Variants in ITGB6 observed in about 807,000 individuals in gnomAD.
ITGB6 encodes integrin subunit beta 6.
ITGB6 carries 80 observed loss-of-function variants against 84.5 expected under a neutral mutation model. The ratio of observed to expected loss-of-function variants is 0.95; its 90% CI spans 0.79 to 1.14. The LOEUF (loss-of-function observed/expected upper bound fraction) is 1.14, where lower values mean the gene tolerates loss of function less well. ITGB6 is among the 50% of genes most tolerant of loss of function. The probability of loss-of-function intolerance (pLI) is 0.00; values close to 1 mark genes in which losing one functional copy is unlikely to be tolerated. For missense variants in ITGB6, 1,006 were observed against 968.0 expected, an observed-to-expected ratio of 1.04 and a Z score of -0.52; for synonymous variants, 383 against 354.9, an observed-to-expected ratio of 1.08 and a Z score of -0.89.
intron 8 of ITGB6, among the ~76,000 whole-genome samples, chr2:160,140,248 G>GT (rs1683949834): frequency 6.6e-6 from 1 of 152,164 alleles, no homozygotes; most frequent in Non-Finnish European, 1.5e-5. Context: ...GTGCAAGATT[G>GT]TTTCATTTAA....
intron 11 of ITGB6, among the ~76,000 whole-genome samples, chr2:160,124,730 C>T (rs966106384): frequency 1.3e-5 from 2 of 152,156 alleles, no homozygotes; most frequent in Non-Finnish European, 2.9e-5. Flanking sequence ...AAACACCCCA[C>T]CCGCACCCAT....
chr2:160,123,257 G>A (rs1353557520), intron 12 of ITGB6, among the ~76,000 whole-genome samples: 1 of 152,124 alleles, frequency 6.6e-6, no homozygotes, highest in East Asian at 1.9e-4. Flanking sequence ...GAGGCAACAG[G>A]GAATTGAGGA....
At chr2:160,109,833 G>A (rs867962780) in intron 13 of ITGB6, among the ~76,000 whole-genome samples, 1 of 152,166 alleles carries the variant, frequency 6.6e-6, no homozygotes, top group Non-Finnish European at 1.5e-5. Context: ...CATATTGAGT[G>A]CTTGAAATGT....
intron 10 of ITGB6, among the ~76,000 whole-genome samples, chr2:160,127,576 C>T (rs1457345234): frequency 6.6e-6 from 1 of 152,156 alleles, no homozygotes; most frequent in African/African-American, 2.4e-5. Context: ...GCCTGACTGC[C>T]TTAGGCACAG....
chr2:160,145,371 G>A (rs1188953809), intron 7 of ITGB6, among the ~76,000 whole-genome samples: 1 of 152,110 alleles, frequency 6.6e-6, no homozygotes, highest in Admixed American at 6.5e-5. Flanking sequence ...AGTTCCTGAG[G>A]TTGCTTTTCT....
chr2:160,154,945 A>T (rs62175385), intron 7 of ITGB6, among the ~76,000 whole-genome samples: 2 of 152,106 alleles, frequency 1.3e-5, no homozygotes, highest in Admixed American at 6.5e-5. Flanking sequence ...TGAATGGATC[A>T]TGGGGTGAAG....
chr2:160,199,097 C>G lies in ITGB6; in HGVS notation c.141+82G>C, dbSNP rs1223984132. 3 of 1,149,866 alleles carry G rather than the reference C, an allele frequency of 2.6e-6. No individual in the cohort carries two copies. The East Asian group carries it at 7.0e-5, about 27-fold the overall frequency. The allele number at this position is 1,149,866 out of a possible 1,614,324, so 71.2% of individuals were successfully genotyped here. ...TACAACTCCACAAAAAAGCAAGTCA[C>G]TATCAGAAATATCACTGAGGAAATT... On this transcript the variant is annotated intron_variant, in intron 2 of 14. Transcript: ENST00000283249.
At chr2:160,128,535 G>A (rs1293753045) in intron 10 of ITGB6, among the ~76,000 whole-genome samples, 1 of 152,152 alleles carries the variant, frequency 6.6e-6, no homozygotes, top group Non-Finnish European at 1.5e-5. Context: ...AGAAAAATCA[G>A]GAGTAGAGGC....
rs1486964947 is a variant in ITGB6 at position 160,107,734 on chromosome 2, T to C, written c.2213A>G (p.Asp738Gly). ...CIWKLLVSFH[D>G]RKEVAKFEAE... ...TTCAAATTTGGCAACTTCTTTACGA[T>C]CATGAAATGACACCAGTAGCTTCCA... Residue 738 changes from aspartate (D) to glycine (G), a missense_variant, in exon 14 of 15, where the codon GAT (aspartate) becomes GGT (glycine). Transcript: ENST00000283249. 2.5e-6 allele frequency: 4 copies of C among 1,614,022 alleles called. No individual in the cohort carries two copies. Among genetic ancestry groups the C allele is most frequent in the East Asian group, 2.2e-5 (1 of 44,884 alleles).
chr2:160,107,564 G>C (rs535091514), intron 14 of ITGB6, 115 bp downstream of exon 14: 1 of 922,162 alleles, frequency 1.1e-6, no homozygotes, highest in South Asian at 1.6e-5. Flanking sequence ...GGCGAGAGTG[G>C]GAGAGAAAAA....
At position 160,200,189 on chromosome 2, in the gene ITGB6, G is replaced by T; in HGVS notation, c.-126C>A. Reference sequence around the variant, plus strand: ...TAACATTTTAAATACTACTTACACTGCTTTGAAAAGAAACTTGAGATATAA... The same window carrying T: ...TAACATTTTAAATACTACTTACACTTCTTTGAAAAGAAACTTGAGATATAA... On this transcript the variant is annotated 5_prime_UTR_variant, in exon 1 of 15. Transcript: ENST00000283249. The T allele has an allele frequency of 4.4e-6, 3 of 681,124 alleles. No individual in the cohort carries two copies. The highest frequency in any genetic ancestry group is 7.4e-6 in the Non-Finnish European group (3 of 406,880). The allele number at this position is 681,124 out of a possible 1,614,324, so 42.2% of individuals were successfully genotyped here.
intron 7 of ITGB6, among the ~76,000 whole-genome samples, chr2:160,155,687 G>A (rs1378602096): frequency 6.6e-6 from 1 of 152,116 alleles, no homozygotes; most frequent in Non-Finnish European, 1.5e-5. Context: ...TGAGAAGGAG[G>A]CACTCAGTGG....
chr2:160,174,198 G>A, intron 4 of ITGB6, 59 bp from the exon 5 acceptor site: 1 of 1,256,962 alleles, frequency 8.0e-7, no homozygotes, highest in Non-Finnish European at 1.1e-6. Flanking sequence ...CACAATTAAT[G>A]GATCTAATAG....
intron 14 of ITGB6, among the ~76,000 whole-genome samples, chr2:160,106,887 T>C (rs1402568779): frequency 2.0e-5 from 3 of 152,180 alleles, no homozygotes; most frequent in Admixed American, 6.5e-5. Context: ...AGTGATATCA[T>C]TGTTGTTAGA....
At chr2:160,179,642 C>T (rs374130912) in intron 4 of ITGB6, among the ~76,000 whole-genome samples, 3 of 151,354 alleles carry the variant, frequency 2.0e-5, no homozygotes, top group African/African-American at 7.3e-5. Flanking sequence ...ATCTGCCCAC[C>T]TCGGCCTCCC....
intron 4 of ITGB6, 122 bp downstream of exon 4, chr2:160,195,247 G>A: frequency 1.6e-6 from 2 of 1,260,130 alleles, no homozygotes; most frequent in Non-Finnish European, 2.2e-6. Context: ...GAACTGCTGA[G>A]ATCCAACCAG....
intron 10 of ITGB6, among the ~76,000 whole-genome samples, chr2:160,134,102 C>T (rs1301858382): frequency 2.0e-5 from 3 of 152,054 alleles, no homozygotes; most frequent in African/African-American, 4.8e-5. Flanking sequence ...TTCAAAAAAT[C>T]AATGAATCCA....
intron 12 of ITGB6, among the ~76,000 whole-genome samples, chr2:160,115,950 G>T (rs1362900189): frequency 9.5e-5 from 14 of 146,740 alleles, no homozygotes; most frequent in Non-Finnish European, 1.4e-4. Context: ...AGTGAGAAGG[G>T]AAGTTTAGAG....
intron 12 of ITGB6, among the ~76,000 whole-genome samples, chr2:160,120,949 T>C (rs1392690256): frequency 6.8e-6 from 1 of 146,582 alleles, no homozygotes; most frequent in African/African-American, 2.5e-5. Flanking sequence ...TTAGGAGATA[T>C]ACCTAATGCT....
Sources: gnomAD v4.1 joint callset for allele counts (sites outside exome capture counted in the v4.1 genomes callset) on GRCh38, gnomAD v4.1.1 for gene constraint, MANE v1.5 for transcripts, NCBI Gene and HGNC (gene_info 2026-07-23, HGNC 2026-07-21) for gene names.